CNTN3: variants seen among roughly 807,000 people sequenced by gnomAD.
CNTN3 encodes the protein contactin 3, also known as contactin-3.
A neutral mutation model predicts 119.1 loss-of-function variants in CNTN3; 60 were observed. The observed-to-expected ratio is 0.50, with a 90% CI of 0.41 to 0.62. The LOEUF is 0.62. Ranked by LOEUF, CNTN3 falls within the 20% of genes least tolerant of loss-of-function variation. The pLI, the probability that CNTN3 is intolerant of heterozygous loss-of-function variation, is 0.00. For synonymous variants in CNTN3, 450 were observed against 438.7 expected (o/e 1.03, Z -0.32); for missense variants, 1,101 against 1,242.4 (o/e 0.89, Z 1.71).
intron 2 of CNTN3, among the ~76,000 whole-genome samples, chr3:74,501,803 G>C (rs78729638): frequency 1.4e-5 from 2 of 138,358 alleles, no homozygotes; most frequent in East Asian, 2.2e-4. Flanking sequence ...AAAAAAAAAA[G>C]CTTCCGTTTC....
At chr3:74,554,200 T>C (rs983739840) in intron 1 of CNTN3, among the ~76,000 whole-genome samples, 1 of 152,172 alleles carries the variant, frequency 6.6e-6, no homozygotes, top group Non-Finnish European at 1.5e-5. Flanking sequence ...CTTGTTTTTG[T>C]TAGGTTTGTC....
chr3:74,431,282 G>A (rs1337694880), intron 4 of CNTN3, among the ~76,000 whole-genome samples: 1 of 152,036 alleles, frequency 6.6e-6, no homozygotes, highest in Non-Finnish European at 1.5e-5. Context: ...GATATTCTGT[G>A]CTCAATCTTT....
intron 20 of CNTN3, among the ~76,000 whole-genome samples, chr3:74,285,034 T>A (rs1270045451): frequency 6.6e-6 from 1 of 152,172 alleles, no homozygotes; most frequent in Non-Finnish European, 1.5e-5. Flanking sequence ...CTTATCATAT[T>A]TTAAAAGAAA....
intron 3 of CNTN3, among the ~76,000 whole-genome samples, chr3:74,496,447 T>C (rs555645555): frequency 1.3e-5 from 2 of 152,220 alleles, no homozygotes; most frequent in African/African-American, 4.8e-5. Context: ...CCAGTCATTA[T>C]TCAATATGTC....
intron 3 of CNTN3, among the ~76,000 whole-genome samples, chr3:74,490,069 G>C (rs1025968887): frequency 6.6e-6 from 1 of 152,162 alleles, no homozygotes; most frequent in Non-Finnish European, 1.5e-5. Flanking sequence ...AACAGACTAT[G>C]TCTTCCACCT....
chr3:74,270,118 G>A (rs1358136732), intron 20 of CNTN3, among the ~76,000 whole-genome samples: 1 of 152,176 alleles, frequency 6.6e-6, no homozygotes, highest in Non-Finnish European at 1.5e-5. Flanking sequence ...TCTGCACCTT[G>A]AGAGGATTAT....
chr3:74,512,404 C>A (rs189379569), intron 2 of CNTN3, among the ~76,000 whole-genome samples: 1 of 152,032 alleles, frequency 6.6e-6, no homozygotes, highest in East Asian at 1.9e-4. Flanking sequence ...AAGGTAGTAA[C>A]TTCAAAAAGA....
Position 74,373,138 on chromosome 3 carries a change from C to T in CNTN3, c.455-1739G>A, listed in dbSNP as rs551927349. 6.6e-5 allele frequency among the ~76,000 whole-genome samples: 10 copies of T among 152,274 alleles called. No individual in the cohort carries two copies. In the East Asian group the frequency reaches 7.7e-4, roughly 12 times the overall value. On this transcript the variant is annotated intron_variant, in intron 5 of 22. Transcript: ENST00000263665. ...AGTTGTGAGCTCTAAAGTCACTTAT[C>T]GGGTTGTATGAAACAAATGCATCTC...
intron 5 of CNTN3, among the ~76,000 whole-genome samples, chr3:74,384,069 C>T (rs1391518240): frequency 6.6e-6 from 1 of 152,108 alleles, no homozygotes; most frequent in Non-Finnish European, 1.5e-5. Flanking sequence ...TTAATATAAT[C>T]TAAATATGAT....
intron 13 of CNTN3, among the ~76,000 whole-genome samples, chr3:74,316,978 T>C (rs1384125419): frequency 6.6e-6 from 1 of 151,756 alleles, no homozygotes; most frequent in East Asian, 1.9e-4. Flanking sequence ...TCTAAGTCTC[T>C]TTGTAGGTCA....
chr3:74,336,785 G>C (rs1327808456), intron 11 of CNTN3, 127 bp from the exon 12 acceptor site: 1 of 620,178 alleles, frequency 1.6e-6, no homozygotes, highest in Non-Finnish European at 2.5e-6. Context: ...CCAGTCCTTA[G>C]CTTTTTGGGA....
intron 2 of CNTN3, among the ~76,000 whole-genome samples, chr3:74,508,714 T>C (rs1375377335): frequency 6.6e-6 from 1 of 152,138 alleles, no homozygotes; most frequent in African/African-American, 2.4e-5. Context: ...ATCCTACTTT[T>C]AAAAATGCTA....
intron 5 of CNTN3, among the ~76,000 whole-genome samples, chr3:74,381,043 T>C (rs1352313303): frequency 6.6e-6 from 1 of 151,484 alleles, no homozygotes; most frequent in Non-Finnish European, 1.5e-5. Context: ...CTTAGAAAGC[T>C]GGAGAAATTG....
At chr3:74,334,330 A>T (rs1193786492) in intron 13 of CNTN3, among the ~76,000 whole-genome samples, 1 of 152,148 alleles carries the variant, frequency 6.6e-6, no homozygotes, top group East Asian at 1.9e-4. Flanking sequence ...GTGATGATGT[A>T]CCCTGGCCTG....
At chr3:74,445,555 C>A (rs981667900) in intron 4 of CNTN3, among the ~76,000 whole-genome samples, 1 of 152,094 alleles carries the variant, frequency 6.6e-6, no homozygotes, top group African/African-American at 2.4e-5. Flanking sequence ...AGCCTTCTAC[C>A]AGAATCAATG....
chr3:74,554,074 C>T (rs1305310629), intron 1 of CNTN3, among the ~76,000 whole-genome samples: 1 of 152,104 alleles, frequency 6.6e-6, no homozygotes, highest in African/African-American at 2.4e-5. Flanking sequence ...GTCTTTCATC[C>T]ATCTTGAGTT....
chr3:74,389,477 A>G (rs1330069568), intron 5 of CNTN3, among the ~76,000 whole-genome samples: 3 of 152,230 alleles, frequency 2.0e-5, no homozygotes, highest in East Asian at 1.9e-4. Context: ...ACTCTTACAT[A>G]TACTGAGAAA....
At chr3:74,310,560 T>A (rs1702660635) in intron 13 of CNTN3, among the ~76,000 whole-genome samples, 2 of 152,158 alleles carry the variant, frequency 1.3e-5, no homozygotes, top group African/African-American at 4.8e-5. Context: ...GAAGGACCTG[T>A]CCACAGCTGC....
intron 4 of CNTN3, among the ~76,000 whole-genome samples, chr3:74,463,718 T>G (rs772112711): frequency 2.6e-5 from 4 of 152,166 alleles, no homozygotes; most frequent in South Asian, 2.1e-4. Flanking sequence ...ATTGTTGTTT[T>G]GTTCCCAGGT....
Sources: allele counts gnomAD v4.1 joint callset (sites outside exome capture counted in the v4.1 genomes callset), GRCh38; gene constraint gnomAD v4.1.1; transcripts MANE v1.5; gene names NCBI Gene and HGNC (gene_info 2026-07-23, HGNC 2026-07-21).